Variants in ZNF385B observed in about 807,000 individuals in gnomAD.
ZNF385B encodes the protein zinc finger protein 385B, also known as zinc finger protein 533.
In ZNF385B, 23 loss-of-function variants were observed where a neutral mutation model predicts 39.2. That is an observed-to-expected ratio of 0.59 (90% CI 0.42 to 0.83). The LOEUF (loss-of-function observed/expected upper bound fraction) is 0.83, where lower values mean the gene tolerates loss of function less well. Ranked by LOEUF, ZNF385B falls within the 40% of genes least tolerant of loss-of-function variation. The probability of loss-of-function intolerance (pLI) is 0.00; values close to 1 mark genes in which losing one functional copy is unlikely to be tolerated. For missense variants in ZNF385B, 552 were observed against 598.9 expected (o/e 0.92, Z 0.82); for synonymous variants, 205 against 222.6 (o/e 0.92, Z 0.70).
chr2:179,576,160 CT>C, intron 3 of ZNF385B: 1 of 985,424 alleles, frequency 1.0e-6, no homozygotes, highest in South Asian at 4.7e-5. Flanking sequence ...CTGTGACTGA[CT>C]TCTGTCCTAG....
At chr2:179,568,147 T>A (rs1684805435) in intron 3 of ZNF385B, among the ~76,000 whole-genome samples, 1 of 152,158 alleles carries the variant, frequency 6.6e-6, no homozygotes, top group African/African-American at 2.4e-5. Context: ...CCTTCCTCTC[T>A]CTTTCCCAAA....
chr2:179,506,171 T>C (rs1015603186), intron 5 of ZNF385B, among the ~76,000 whole-genome samples: 3 of 152,092 alleles, frequency 2.0e-5, no homozygotes, highest in Non-Finnish European at 1.5e-5. Context: ...TTGCAAACCT[T>C]GTGCCACTCA....
chr2:179,736,388 C>T (rs1040948575), intron 3 of ZNF385B, among the ~76,000 whole-genome samples: 3 of 151,840 alleles, frequency 2.0e-5, no homozygotes, highest in Non-Finnish European at 2.9e-5. Flanking sequence ...AAACTTTAGT[C>T]CCTGTTGTTG....
chr2:179,507,695 G>C (rs2057352828), intron 5 of ZNF385B, among the ~76,000 whole-genome samples: 1 of 152,162 alleles, frequency 6.6e-6, no homozygotes, highest in African/African-American at 2.4e-5. Context: ...GAACTACTTT[G>C]ACTCTCTTCT....
intron 5 of ZNF385B, 76 bp from the exon 6 acceptor site, chr2:179,483,510 A>G (rs1574374859): frequency 1.9e-6 from 3 of 1,584,270 alleles, no homozygotes; most frequent in African/African-American, 2.7e-5. Flanking sequence ...CAGGAGAAAA[A>G]TACATTCTAT....
chr2:179,478,540 TC>T (rs1441194752), intron 6 of ZNF385B, among the ~76,000 whole-genome samples: 1 of 152,230 alleles, frequency 6.6e-6, no homozygotes, highest in East Asian at 1.9e-4. Flanking sequence ...AGATGCTGGC[TC>T]AATTATCTTT....
chr2:179,677,303 G>A (rs778225439), intron 3 of ZNF385B, among the ~76,000 whole-genome samples: 3 of 152,132 alleles, frequency 2.0e-5, no homozygotes, highest in South Asian at 2.1e-4. Context: ...TGTCTATACC[G>A]TTAATAGCTA....
intron 5 of ZNF385B, among the ~76,000 whole-genome samples, chr2:179,503,860 C>G (rs78666831): frequency 1.8e-5 from 2 of 112,292 alleles, no homozygotes; most frequent in African/African-American, 3.2e-5. Context: ...GCCACATTTT[C>G]TTTTTTTTTT....
intron 1 of ZNF385B, among the ~76,000 whole-genome samples, chr2:179,821,353 C>T (rs1707384799): frequency 6.6e-6 from 1 of 152,170 alleles, no homozygotes; most frequent in African/African-American, 2.4e-5. Context: ...AAAATGTCCT[C>T]TCAGACAGTT....
intron 4 of ZNF385B, among the ~76,000 whole-genome samples, chr2:179,525,815 A>G (rs2058850305): frequency 6.6e-6 from 1 of 152,216 alleles, no homozygotes; most frequent in Non-Finnish European, 1.5e-5. Context: ...CTGTGTCGCT[A>G]AAGAGCAATA....
chr2:179,684,149 C>T (rs1697746372), intron 3 of ZNF385B, among the ~76,000 whole-genome samples: 1 of 152,158 alleles, frequency 6.6e-6, no homozygotes, highest in South Asian at 2.1e-4. Context: ...AATCTGCTAT[C>T]AGGAGCCTCC....
intron 6 of ZNF385B, among the ~76,000 whole-genome samples, chr2:179,471,943 A>C (rs966601486): frequency 6.6e-6 from 1 of 152,212 alleles, no homozygotes; most frequent in Non-Finnish European, 1.5e-5. Context: ...TAGTACTTTA[A>C]GTAATTCCCC....
intron 1 of ZNF385B, among the ~76,000 whole-genome samples, chr2:179,772,082 T>G (rs1436563797): frequency 1.3e-5 from 2 of 152,218 alleles, no homozygotes; most frequent in African/African-American, 4.8e-5. Context: ...CATTATAATG[T>G]TCCTATGACT....
chr2:179,725,287 T>C (rs1439715990), intron 3 of ZNF385B, among the ~76,000 whole-genome samples: 1 of 152,030 alleles, frequency 6.6e-6, no homozygotes, highest in Non-Finnish European at 1.5e-5. Flanking sequence ...CTAGGAAAGT[T>C]GTAGATTTTC....
chr2:179,774,033 T>G (rs561958448), intron 1 of ZNF385B, among the ~76,000 whole-genome samples: 1 of 152,134 alleles, frequency 6.6e-6, no homozygotes, highest in East Asian at 1.9e-4. Flanking sequence ...GTTTGTGGTC[T>G]GTGGTACATG....
intron 3 of ZNF385B, chr2:179,562,321 A>T: frequency 1.1e-6 from 1 of 897,842 alleles, no homozygotes; most frequent in Non-Finnish European, 1.3e-6. Context: ...AATTCATTTG[A>T]CCTGTTTTAT....
intron 3 of ZNF385B, among the ~76,000 whole-genome samples, chr2:179,696,380 C>T (rs1383045620): frequency 1.1e-5 from 1 of 88,424 alleles, no homozygotes; most frequent in Admixed American, 1.8e-4. Context: ...TGCATTTTGA[C>T]TCACCTCTAA....
At chr2:179,455,444 A>G (rs894162056) in intron 6 of ZNF385B, among the ~76,000 whole-genome samples, 1 of 152,086 alleles carries the variant, frequency 6.6e-6, no homozygotes, top group Admixed American at 6.6e-5. Flanking sequence ...TGGTTTCATA[A>G]GAGTTTTTTC....
At chr2:179,848,483 T>C (rs1708915225) in intron 1 of ZNF385B, among the ~76,000 whole-genome samples, 1 of 152,214 alleles carries the variant, frequency 6.6e-6, no homozygotes. Flanking sequence ...CTTTACAACC[T>C]GAACTTCATA....
Sources: gnomAD v4.1 joint callset for allele counts (sites outside exome capture counted in the v4.1 genomes callset) on GRCh38, gnomAD v4.1.1 for gene constraint, MANE v1.5 for transcripts, NCBI Gene and HGNC (gene_info 2026-07-23, HGNC 2026-07-21) for gene names.